DAG1: variants seen among roughly 807,000 people sequenced by gnomAD.
The protein encoded by DAG1 is dystroglycan 1 (dystrophin-associated glycoprotein 1).
Under a neutral mutation model 46.1 loss-of-function variants are expected in DAG1, and 8 were observed. The ratio of observed to expected loss-of-function variants is 0.17; its 90% CI spans 0.10 to 0.31. The LOEUF (loss-of-function observed/expected upper bound fraction) is 0.31. Among genes scored for constraint, DAG1 ranks in the 10% least tolerant of loss-of-function variants. The probability of loss-of-function intolerance (pLI) is 1.00; values close to 1 mark genes in which losing one functional copy is unlikely to be tolerated. For missense variants in DAG1, 1,003 were observed against 1,189.9 expected (o/e 0.84, Z 2.31); for synonymous variants, 495 against 481.8 (o/e 1.03, Z -0.36).
At chr3:49,504,896 C>T (rs9815541) in intron 1 of DAG1, among the ~76,000 whole-genome samples, 5,492 of 148,258 alleles carry the variant, frequency 0.037, 346 homozygotes, top group African/African-American at 0.13. Context: ...CAGGTGTGAG[C>T]CACTGTGCCC....
At position 49,531,073 on chromosome 3, in the gene DAG1, G is replaced by A; in HGVS notation, c.562G>A (p.Val188Met). The change falls in exon 3 of 3, where the codon GTG becomes ATG. Residue 188 changes from valine to methionine, a missense_variant. Coordinates refer to ENST00000308775, the MANE Select transcript of DAG1 (RefSeq NM_004393.6). The surrounding 1 kb of genome is among the most constrained non-coding windows in gnomAD (Gnocchi z 7.0). ...VSSACAADEP[V>M]TVLTVILDAD... Reference sequence around the variant, plus strand: ...ATCTGCCTGTGCTGCGGATGAACCTGTGACTGTTTTGACGGTGATTTTGGA... The same window carrying A: ...ATCTGCCTGTGCTGCGGATGAACCTATGACTGTTTTGACGGTGATTTTGGA... 1.2e-6 allele frequency: 2 copies of A among 1,614,212 alleles called. No homozygotes were observed. The highest frequency in any genetic ancestry group is 1.7e-6 in the Non-Finnish European group (2 of 1,180,040).
At chr3:49,521,870 G>A (rs1471395253) in intron 2 of DAG1, among the ~76,000 whole-genome samples, 2 of 150,332 alleles carry the variant, frequency 1.3e-5, no homozygotes, top group African/African-American at 4.9e-5. Flanking sequence ...TTTTTTTTGA[G>A]ATGGAGTCTC....
At chr3:49,478,438 T>TAA (rs57121601) in intron 1 of DAG1, among the ~76,000 whole-genome samples, 55 of 119,438 alleles carry the variant, frequency 4.6e-4, no homozygotes, top group African/African-American at 1.7e-3. Context: ...CTACAAAAAA[T>TAA]AAAAAAAAAA....
At chr3:49,503,793 A>C (rs1380169501) in intron 1 of DAG1, among the ~76,000 whole-genome samples, 1 of 150,800 alleles carries the variant, frequency 6.6e-6, no homozygotes. Flanking sequence ...GTGCCATTGT[A>C]CTCCAGCCTG....
At chr3:49,473,141 C>T (rs554618856) in intron 1 of DAG1, among the ~76,000 whole-genome samples, 43 of 151,504 alleles carry the variant, frequency 2.8e-4, no homozygotes, top group Middle Eastern at 6.8e-3. Flanking sequence ...ACTGGCCAGG[C>T]GCGGTGGCTC....
At chr3:49,526,859 T>C (rs1281579828) in intron 2 of DAG1, among the ~76,000 whole-genome samples, 1 of 151,084 alleles carries the variant, frequency 6.6e-6, no homozygotes, top group Non-Finnish European at 1.5e-5. Context: ...GACGTTTTCT[T>C]TAGTGTTTAT....
At chr3:49,530,690 C>G (rs2051314262) in intron 2 of DAG1, 107 bp from the exon 3 acceptor site, 1 of 1,534,310 alleles carries the variant, frequency 6.5e-7, no homozygotes, top group Admixed American at 1.8e-5. Flanking sequence ...AGCAGGCATT[C>G]TGAATTATAC....
Position 49,533,610 on chromosome 3 carries a change from T to G in DAG1, c.*411T>G. On this transcript the variant is annotated 3_prime_UTR_variant, in exon 3 of 3. Transcript: ENST00000308775. Reference sequence around the variant, plus strand: ...CTGTACTGTTTTTTCTATTCACGTGTGTCTAGCTGCAGGATGTAACATGGA... The same window carrying G: ...CTGTACTGTTTTTTCTATTCACGTGGGTCTAGCTGCAGGATGTAACATGGA... 8.2e-5 allele frequency: 29 copies of G among 351,816 alleles called. No individual in the cohort carries two copies. The highest frequency in any genetic ancestry group is 1.3e-4 in the Non-Finnish European group (23 of 180,662). 21.8% of individuals were successfully genotyped at this position (351,816 alleles called of 1,614,324 possible).
At chr3:49,525,823 G>T (rs2051156119) in intron 2 of DAG1, among the ~76,000 whole-genome samples, 1 of 151,096 alleles carries the variant, frequency 6.6e-6, no homozygotes, top group Admixed American at 6.6e-5. Flanking sequence ...CTCCCAAAGT[G>T]CTGGGATTAC....
chr3:49,508,790 A>G (rs1405272293), intron 1 of DAG1, among the ~76,000 whole-genome samples: 2 of 152,140 alleles, frequency 1.3e-5, no homozygotes, highest in African/African-American at 2.4e-5. Flanking sequence ...CAGCCTCCCA[A>G]AGTGCTGGGA....
chr3:49,504,037 T>A (rs1385513303), intron 1 of DAG1, among the ~76,000 whole-genome samples: 1 of 152,138 alleles, frequency 6.6e-6, no homozygotes, highest in Non-Finnish European at 1.5e-5. Context: ...TAGTACAATA[T>A]ATATCACAGG....
rs760097375 is a variant in DAG1 at position 49,510,504 on chromosome 3, G to C, written c.-31G>C. On this transcript the variant is annotated 5_prime_UTR_variant, in exon 2 of 3. Transcript: ENST00000308775. ...AGTCACTTGCTTCCTTACTTAGCAA[G>C]ACTATCGACTTGAGCAAACTTGGAC... The C allele has an allele frequency of 6.2e-7, 1 of 1,609,356 alleles. No individual in the cohort carries two copies. The highest frequency in any genetic ancestry group is 8.5e-7 in the Non-Finnish European group (1 of 1,178,872).
Position 49,533,159 on chromosome 3 carries a change from T to G in DAG1, c.2648T>G (p.Met883Arg). Reference protein sequence around the residue: ...MEGKGSRPKNMTPYRSPPPYV... With the variant: ...MEGKGSRPKNRTPYRSPPPYV... ...GGCAAGGGCTCCCGTCCCAAGAACA[T>G]GACCCCATACCGGTCACCTCCTCCC... Residue 883 changes from methionine (M) to arginine (R), a missense_variant, in exon 3 of 3, where the codon ATG (methionine) becomes AGG (arginine). Transcript: ENST00000308775. 3.1e-6 allele frequency: 5 copies of G among 1,614,042 alleles called. No homozygotes were observed. The highest frequency in any genetic ancestry group is 4.2e-6 in the Non-Finnish European group (5 of 1,180,018).
chr3:49,533,698 A>C lies in DAG1; in HGVS notation c.*499A>C, dbSNP rs1575415520. 3.4e-6 allele frequency: 1 copy of C among 290,266 alleles called. No homozygotes were observed. The highest frequency in any genetic ancestry group is 9.6e-5 in the East Asian group (1 of 10,366). 18.0% of individuals were successfully genotyped at this position (290,266 alleles called of 1,614,324 possible). A position where few individuals can be genotyped will look rare whatever the true frequency, so the allele number is the denominator to read the frequency against. ...AAGTTAAGGTTAAGTTTTTACGTTTAATCTGCTGTTTACCTAAACTTGTAT... is the reference window on the plus strand; with the variant it reads ...AAGTTAAGGTTAAGTTTTTACGTTTCATCTGCTGTTTACCTAAACTTGTAT... On this transcript the variant is annotated 3_prime_UTR_variant, in exon 3 of 3. Transcript: ENST00000308775.
chr3:49,483,821 C>T (rs1009340318), intron 1 of DAG1, among the ~76,000 whole-genome samples: 1 of 152,074 alleles, frequency 6.6e-6, no homozygotes. Context: ...ACTACTAGCA[C>T]GTGCCACTAT....
chr3:49,497,733 G>T lies in DAG1; in HGVS notation c.-116-12686G>T, dbSNP rs187248636. Among the ~76,000 whole-genome samples, 46 of 152,330 alleles carry T rather than the reference G, an allele frequency of 3.0e-4. No homozygotes were observed. In the East Asian group the frequency reaches 8.3e-3, roughly 27 times the overall value. ...GGTAATAAATAATGTTTAACGCAGTGTATGGACTTCAGTGGAATGTAGAAG... is the reference window on the plus strand; with the variant it reads ...GGTAATAAATAATGTTTAACGCAGTTTATGGACTTCAGTGGAATGTAGAAG... On this transcript the variant is annotated intron_variant, in intron 1 of 2. Transcript: ENST00000308775.
chr3:49,487,692 C>CTTTTTTTTTTTTT (rs10686005), intron 1 of DAG1, among the ~76,000 whole-genome samples: 2 of 105,718 alleles, frequency 1.9e-5, no homozygotes. Flanking sequence ...CCCATACATT[C>CTTTTTTTTTTTTT]TTTTTTTTTT....
intron 1 of DAG1, among the ~76,000 whole-genome samples, chr3:49,494,625 A>AATTATTATT (rs1203553930): frequency 6.6e-6 from 1 of 151,708 alleles, no homozygotes; most frequent in African/African-American, 2.4e-5. Context: ...ATGCTTGGTG[A>AATTATTATT]ATTATTATTA....
chr3:49,470,193 G>A (rs1239405856), upstream of DAG1: 1 of 151,528 alleles, frequency 6.6e-6, no homozygotes, highest in Non-Finnish European at 1.5e-5. Flanking sequence ...CCGCTGGATT[G>A]GCTGCAACAC....
Sources: gnomAD v4.1 joint callset for allele counts (sites outside exome capture counted in the v4.1 genomes callset) on GRCh38, gnomAD v4.1.1 for gene constraint, Gnocchi (gnomAD v3.1) non-coding constraint, MANE v1.5 for transcripts, NCBI Gene and HGNC (gene_info 2026-07-23, HGNC 2026-07-21) for gene names.